Variants in RASSF3 observed in about 807,000 individuals in gnomAD.
RASSF3 encodes ras association domain-containing protein 3.
Under a neutral mutation model 19.9 loss-of-function variants are expected in RASSF3, and 19 were observed. That is an observed-to-expected ratio of 0.96 (90% CI 0.67 to 1.40). The LOEUF (loss-of-function observed/expected upper bound fraction) is 1.40, where lower values mean the gene tolerates loss of function less well. Ranked by LOEUF, RASSF3 falls within the 40% of genes most tolerant of loss-of-function variation. The probability of loss-of-function intolerance (pLI) is 0.00; values close to 1 mark genes in which losing one functional copy is unlikely to be tolerated. For missense variants in RASSF3, 306 were observed against 289.8 expected, an observed-to-expected ratio of 1.06 and a Z score of -0.41; for synonymous variants, 110 against 104.2, an observed-to-expected ratio of 1.06 and a Z score of -0.34.
chr12:64,634,278 G>C (rs74392469), intron 1 of RASSF3, among the ~76,000 whole-genome samples: 1,959 of 150,632 alleles, frequency 0.013, 42 homozygotes, highest in African/African-American at 0.045. Flanking sequence ...AGGGTCTGCT[G>C]CTGTGAGCTT....
intron 4 of RASSF3, among the ~76,000 whole-genome samples, chr12:64,692,069 A>G (rs957332689): frequency 2.6e-5 from 4 of 152,152 alleles, no homozygotes; most frequent in African/African-American, 7.2e-5. Context: ...TGCCCAGTCA[A>G]CTGATTAAGA....
intron 1 of RASSF3, among the ~76,000 whole-genome samples, chr12:64,647,568 G>A (rs1442177775): frequency 1.3e-5 from 2 of 151,848 alleles, no homozygotes; most frequent in African/African-American, 4.8e-5. Flanking sequence ...CCACCACCAC[G>A]CCCGGCTAAT....
intron 2 of RASSF3, among the ~76,000 whole-genome samples, chr12:64,597,735 G>A (rs1247505089): frequency 2.0e-5 from 3 of 152,250 alleles, no homozygotes; most frequent in Non-Finnish European, 2.9e-5. Flanking sequence ...CGGGATTACA[G>A]GCATGCGCCA....
intron 2 of RASSF3, among the ~76,000 whole-genome samples, chr12:64,595,982 T>G (rs1408220840): frequency 6.6e-6 from 1 of 152,112 alleles, no homozygotes; most frequent in Admixed American, 6.5e-5. Context: ...GTAAAAGCTA[T>G]CCATAAAGAA....
chr12:64,571,699 G>A (rs373986864), intron 2 of RASSF3, among the ~76,000 whole-genome samples: 117 of 152,178 alleles, frequency 7.7e-4, no homozygotes, highest in African/African-American at 2.6e-3. Flanking sequence ...TCTCCCTATC[G>A]TAAAAGTTCT....
At chr12:64,686,999 G>A (rs1258750934) in intron 2 of RASSF3, among the ~76,000 whole-genome samples, 1 of 152,026 alleles carries the variant, frequency 6.6e-6, no homozygotes, top group Non-Finnish European at 1.5e-5. Flanking sequence ...TACTGTTTTT[G>A]TTTGTTTTTG....
At chr12:64,652,717 T>G (rs1872005481) in intron 1 of RASSF3, among the ~76,000 whole-genome samples, 1 of 152,230 alleles carries the variant, frequency 6.6e-6, no homozygotes, top group Non-Finnish European at 1.5e-5. Context: ...GATGGAATTA[T>G]GTAGTGGTTA....
intron 1 of RASSF3, among the ~76,000 whole-genome samples, chr12:64,518,266 C>T (rs2136101976): frequency 6.6e-6 from 1 of 152,120 alleles, no homozygotes; most frequent in South Asian, 2.1e-4. Context: ...CCATTTTTTG[C>T]ATTGCTATAA....
Position 64,578,650 on chromosome 12 carries a change from A to C in RASSF3, c.294+36945A>C, listed in dbSNP as rs368476888. ...TCTTTACAAAAAAAGAAAAAAAGAG[A>C]GCAATAGATAATTAAATTGATGGCA... On this transcript the variant is annotated intron_variant, in intron 2 of 5. Coordinates refer to the RASSF3 transcript ENST00000637125. Among the ~76,000 whole-genome samples, 28 of 152,252 alleles carry C rather than the reference A, an allele frequency of 1.8e-4. No homozygotes were observed. In the East Asian group the frequency reaches 4.1e-3, roughly 22 times the overall value.
intron 1 of RASSF3, among the ~76,000 whole-genome samples, chr12:64,538,553 C>T (rs1868876584): frequency 6.6e-6 from 1 of 152,016 alleles, no homozygotes; most frequent in Non-Finnish European, 1.5e-5. Context: ...TGTGCCATTT[C>T]TTACAATTAT....
intron 1 of RASSF3, among the ~76,000 whole-genome samples, chr12:64,612,758 G>C (rs1870415156): frequency 1.3e-5 from 2 of 152,084 alleles, no homozygotes; most frequent in African/African-American, 4.8e-5. Context: ...TTACAGATGT[G>C]AGCCACCGCC....
intron 2 of RASSF3, among the ~76,000 whole-genome samples, chr12:64,572,618 A>G (rs945703144): frequency 6.6e-6 from 1 of 152,124 alleles, no homozygotes; most frequent in Admixed American, 6.6e-5. Flanking sequence ...AGCACCAAGC[A>G]CAGAGCTCGG....
intron 1 of RASSF3, among the ~76,000 whole-genome samples, chr12:64,650,751 A>C: frequency 6.6e-6 from 1 of 152,080 alleles, no homozygotes; most frequent in Non-Finnish European, 1.5e-5. Context: ...AGGAGTCTTA[A>C]AAAAAGTCTT....
intron 1 of RASSF3, among the ~76,000 whole-genome samples, chr12:64,515,150 G>A (rs1436273913): frequency 5.9e-5 from 9 of 151,820 alleles, no homozygotes; most frequent in South Asian, 2.1e-4. Context: ...TCCGCCTCCC[G>A]TGTTCAAGCG....
At chr12:64,531,689 G>A (rs892609855), upstream of RASSF3, among the ~76,000 whole-genome samples, 7 of 152,206 alleles carry the variant, frequency 4.6e-5, no homozygotes, top group African/African-American at 1.7e-4. Context: ...GTAGCTTTGT[G>A]TGATTCCACG....
intron 1 of RASSF3, among the ~76,000 whole-genome samples, chr12:64,620,692 C>T (rs1053203663): frequency 2.0e-5 from 3 of 151,988 alleles, no homozygotes; most frequent in Non-Finnish European, 4.4e-5. Flanking sequence ...CTAATAAATA[C>T]CTTGAGCATG....
At chr12:64,584,330 G>A (rs1305052745) in intron 2 of RASSF3, among the ~76,000 whole-genome samples, 1 of 152,042 alleles carries the variant, frequency 6.6e-6, no homozygotes, top group Non-Finnish European at 1.5e-5. Context: ...CTTTTGCCCA[G>A]AGGGGAAGAG....
At chr12:64,620,824 A>G (rs1206546239) in intron 1 of RASSF3, among the ~76,000 whole-genome samples, 3 of 152,132 alleles carry the variant, frequency 2.0e-5, no homozygotes, top group Admixed American at 1.3e-4. Flanking sequence ...TCTATTTTTA[A>G]GTTTCATTAC....
chr12:64,587,778 G>A (rs1033538115), intron 2 of RASSF3, among the ~76,000 whole-genome samples: 5 of 152,082 alleles, frequency 3.3e-5, no homozygotes, highest in Non-Finnish European at 2.9e-5. Flanking sequence ...CACTTCCAGC[G>A]AGTAACTGTT....
Sources: allele counts gnomAD v4.1 joint callset (sites outside exome capture counted in the v4.1 genomes callset), GRCh38; gene constraint gnomAD v4.1.1; transcripts MANE v1.5; gene names NCBI Gene and HGNC (gene_info 2026-07-23, HGNC 2026-07-21).